The following PALM2AKAP2 variants were observed in gnomAD, a reference collection of about 807,000 sequenced individuals.
PALM2AKAP2 encodes PALM2 and AKAP2 fusion.
In PALM2AKAP2, 37 loss-of-function variants were observed where a neutral mutation model predicts 71.5. That is an observed-to-expected ratio of 0.52 (90% CI 0.40 to 0.68). The LOEUF is 0.68. Ranked by LOEUF, PALM2AKAP2 falls within the 30% of genes least tolerant of loss-of-function variation. The pLI is 0.00. For synonymous variants in PALM2AKAP2, 468 were observed against 478.8 expected (o/e 0.98, Z 0.29); for missense variants, 1,224 against 1,191.8 (o/e 1.03, Z -0.40).
At chr9:109,835,586 C>T (rs533222123) in intron 1 of PALM2AKAP2, among the ~76,000 whole-genome samples, 1 of 152,288 alleles carries the variant, frequency 6.6e-6, no homozygotes, top group African/African-American at 2.4e-5. Flanking sequence ...CGAGGCATCG[C>T]CTCACCCAGG....
chr9:109,984,226 T>C (rs1339534927), intron 6 of PALM2AKAP2, among the ~76,000 whole-genome samples: 2 of 152,318 alleles, frequency 1.3e-5, no homozygotes, highest in Non-Finnish European at 2.9e-5. Flanking sequence ...CTTAAATACA[T>C]CTCTAAATAA....
chr9:109,742,087 T>C (rs1464921899), intron 1 of PALM2AKAP2, among the ~76,000 whole-genome samples: 8 of 152,206 alleles, frequency 5.3e-5, no homozygotes, highest in African/African-American at 1.4e-4. Context: ...CTTCAGTACC[T>C]AGAGCAGTGC....
upstream of PALM2AKAP2, among the ~76,000 whole-genome samples, chr9:110,047,748 C>A (rs952230908): frequency 1.3e-5 from 2 of 152,200 alleles, no homozygotes; most frequent in African/African-American, 4.8e-5. Flanking sequence ...CCACAGCTTG[C>A]TTTTGAAAGT....
intron 1 of PALM2AKAP2, among the ~76,000 whole-genome samples, chr9:109,643,521 C>T (rs937644708): frequency 1.3e-5 from 2 of 152,186 alleles, no homozygotes; most frequent in Admixed American, 6.5e-5. Context: ...TCCCACATTC[C>T]CTCTGAGTCT....
At chr9:110,091,690 C>T (rs144329420) in intron 1 of PALM2AKAP2, among the ~76,000 whole-genome samples, 3,153 of 152,076 alleles carry the variant, frequency 0.021, 121 homozygotes, top group African/African-American at 0.071. Flanking sequence ...TCTTGATCTC[C>T]TGACCTCATG....
intron 1 of PALM2AKAP2, among the ~76,000 whole-genome samples, chr9:109,690,416 A>G (rs1827865840): frequency 6.6e-6 from 1 of 152,168 alleles, no homozygotes; most frequent in Non-Finnish European, 1.5e-5. Flanking sequence ...CTTCCTCCAA[A>G]GGCCCATCTG....
At chr9:110,056,733 G>A (rs10980167) in intron 1 of PALM2AKAP2, among the ~76,000 whole-genome samples, 37,112 of 152,120 alleles carry the variant, frequency 0.24, 5,691 homozygotes, top group East Asian at 0.4. Context: ...TTCCTGTTTG[G>A]AATCATTTTT....
intron 1 of PALM2AKAP2, among the ~76,000 whole-genome samples, chr9:109,818,585 A>C (rs768255041): frequency 3.3e-5 from 5 of 152,204 alleles, no homozygotes; most frequent in Non-Finnish European, 5.9e-5. Context: ...CTACCTGCTA[A>C]ATTTGCTTTT....
intron 1 of PALM2AKAP2, among the ~76,000 whole-genome samples, chr9:109,666,325 C>A (rs1009952600): frequency 2.0e-5 from 3 of 152,144 alleles, no homozygotes; most frequent in African/African-American, 7.2e-5. Context: ...TCTTGGAAAG[C>A]CCTCACAAAG....
intron 1 of PALM2AKAP2, among the ~76,000 whole-genome samples, chr9:110,113,922 G>A (rs185671668): frequency 2.6e-5 from 4 of 152,322 alleles, no homozygotes; most frequent in African/African-American, 9.6e-5. Context: ...TGTGGCCAGA[G>A]TAGAGGGCAA....
intron 1 of PALM2AKAP2, among the ~76,000 whole-genome samples, chr9:110,049,571 G>A (rs1833668541): frequency 6.6e-6 from 1 of 151,244 alleles, no homozygotes; most frequent in African/African-American, 2.5e-5. Flanking sequence ...TATCTTATCC[G>A]AGATAAAGCC....
At chr9:109,919,732 C>CAT (rs58703863) in intron 3 of PALM2AKAP2, among the ~76,000 whole-genome samples, 31,803 of 140,722 alleles carry the variant, frequency 0.23, 3,471 homozygotes, top group South Asian at 0.37. Context: ...TGTGTGTATA[C>CAT]ATATGTGTGT....
chr9:109,903,338 G>T (rs1175078950), intron 3 of PALM2AKAP2, among the ~76,000 whole-genome samples: 1 of 151,914 alleles, frequency 6.6e-6, no homozygotes, highest in African/African-American at 2.4e-5. Context: ...CAGGGCCACT[G>T]GTTGGGTTGT....
chr9:110,167,020 G>A (rs540993999), intron 3 of PALM2AKAP2, among the ~76,000 whole-genome samples: 1 of 152,188 alleles, frequency 6.6e-6, no homozygotes. Context: ...AAGATCAAAG[G>A]CACGTCTTAC....
At chr9:109,929,660 C>T (rs1206608606) in intron 5 of PALM2AKAP2, among the ~76,000 whole-genome samples, 2 of 151,728 alleles carry the variant, frequency 1.3e-5, no homozygotes, top group Non-Finnish European at 2.9e-5. Context: ...GTCAGGAGAT[C>T]GAGACCATCC....
At chr9:109,934,058 C>T (rs1298259594) in intron 6 of PALM2AKAP2, among the ~76,000 whole-genome samples, 15 of 152,180 alleles carry the variant, frequency 9.9e-5, no homozygotes, top group Admixed American at 6.5e-4. Context: ...AACAAATATC[C>T]TGGTTGTTTG....
intron 1 of PALM2AKAP2, among the ~76,000 whole-genome samples, chr9:109,845,348 C>A (rs185070146): frequency 6.6e-6 from 1 of 152,314 alleles, no homozygotes; most frequent in Admixed American, 6.5e-5. Flanking sequence ...GCAGTCACTC[C>A]GCCAAATGGC....
chr9:109,812,698 C>T (rs988489076), intron 1 of PALM2AKAP2, among the ~76,000 whole-genome samples: 1 of 152,240 alleles, frequency 6.6e-6, no homozygotes, highest in African/African-American at 2.4e-5. Flanking sequence ...ACAGGTCCTT[C>T]TCTTGGCCTT....
rs147044389 is a variant in PALM2AKAP2, at chr9:109,660,024, T to G, written c.5+19158T>G. ...CTCAGCTAATTTTTTGTAGAGATGG[T>G]GGTCTCGCCATGTTGCCCAGGCTGG... On this transcript the variant is annotated intron_variant, in intron 1 of 6. Transcript: ENST00000374531. Among the ~76,000 whole-genome samples the G allele has an allele frequency of 4.7e-3, 714 of 151,598 alleles. 9 individuals are homozygous for G. The highest frequency in any genetic ancestry group is 0.016 in the African/African-American group (680 of 41,282).
Sources: gnomAD v4.1 joint callset for allele counts (sites outside exome capture counted in the v4.1 genomes callset) on GRCh38, gnomAD v4.1.1 for gene constraint, MANE v1.5 for transcripts, NCBI Gene and HGNC (gene_info 2026-07-23, HGNC 2026-07-21) for gene names.